SLC7A6: variants seen among roughly 807,000 people sequenced by gnomAD.
SLC7A6 encodes Y+L amino acid transporter 2.
In SLC7A6, 29 loss-of-function variants were observed where a neutral mutation model predicts 46.6. That is an observed-to-expected ratio of 0.62 (90% CI 0.46 to 0.85). The LOEUF is 0.85. Ranked by LOEUF, SLC7A6 falls within the 40% of genes least tolerant of loss-of-function variation. SLC7A6 has a pLI of 0.00. For synonymous variants in SLC7A6, 276 were observed against 257.3 expected (o/e 1.07, Z -0.70); for missense variants, 527 against 647.6 (o/e 0.81, Z 2.02).
Position 68,301,572 on chromosome 16 carries a change from A to T in SLC7A6, c.*4244A>T. The T allele has an allele frequency of 1.9e-6, 1 of 533,502 alleles. No individual in the cohort carries two copies. The allele number at this position is 533,502 out of a possible 1,614,324, so 33.0% of individuals were successfully genotyped here. ...TTCTTTTTTTTTTAAAGAAGGAATCACTTTCCTATCATCTAAACCAAGTTC... is the reference window on the plus strand; with the variant it reads ...TTCTTTTTTTTTTAAAGAAGGAATCTCTTTCCTATCATCTAAACCAAGTTC... On this transcript the variant is annotated 3_prime_UTR_variant, in exon 11 of 11. Transcript: ENST00000219343.
chr16:68,269,989 C>G (rs971413680), intron 2 of SLC7A6, among the ~76,000 whole-genome samples: 1 of 152,008 alleles, frequency 6.6e-6, no homozygotes, highest in Non-Finnish European at 1.5e-5. Context: ...AGGCTAGTCT[C>G]GAACTCTTGG....
intron 4 of SLC7A6, 81 bp from the exon 5 acceptor site, chr16:68,290,315 C>G (rs2043021886): frequency 2.1e-6 from 3 of 1,458,458 alleles, no homozygotes; most frequent in Admixed American, 3.7e-5. Flanking sequence ...GTATCTTTCT[C>G]TTACACCTCC....
In SLC7A6 at chr16:68,299,094, T is replaced by C. The variant is rs1451541185; in HGVS notation, c.*1766T>C. 1 of 152,656 alleles carries C rather than the reference T, an allele frequency of 6.6e-6. No homozygotes were observed. Among genetic ancestry groups the C allele is most frequent in the Non-Finnish European group, 1.5e-5 (1 of 68,040 alleles). The allele number at this position is 152,656 out of a possible 1,614,324, so 9.5% of individuals were successfully genotyped here. A position where few individuals can be genotyped will look rare whatever the true frequency, so the allele number is the denominator to read the frequency against. ...CCTACTGTCATGGGTTTGGGATTTGTAACGGCAAATTCCTGCCCGACGACA... is the reference window on the plus strand; with the variant it reads ...CCTACTGTCATGGGTTTGGGATTTGCAACGGCAAATTCCTGCCCGACGACA... On this transcript the variant is annotated 3_prime_UTR_variant, in exon 11 of 11. Coordinates refer to ENST00000219343, the MANE Select transcript of SLC7A6 (RefSeq NM_003983.6).
At chr16:68,290,760 C>A (rs1004647293) in intron 5 of SLC7A6, 26 of 581,422 alleles carry the variant, frequency 4.5e-5, no homozygotes, top group Middle Eastern at 9.3e-4. Context: ...GAGGATAGGG[C>A]CTTCCTAGAG....
At chr16:68,282,195 T>A (rs1190254553) in intron 3 of SLC7A6, among the ~76,000 whole-genome samples, 1 of 152,164 alleles carries the variant, frequency 6.6e-6, no homozygotes, top group Non-Finnish European at 1.5e-5. Flanking sequence ...TGGGTCTTGA[T>A]CATAGTTGTT....
At chr16:68,291,478 G>T in intron 6 of SLC7A6, 80 bp from the exon 7 acceptor site, 1 of 1,581,096 alleles carries the variant, frequency 6.3e-7, no homozygotes. Context: ...AGCAGTGATT[G>T]CATTTGTTCC....
intron 2 of SLC7A6, among the ~76,000 whole-genome samples, chr16:68,270,099 A>G (rs1217511884): frequency 6.6e-6 from 1 of 152,052 alleles, no homozygotes; most frequent in Non-Finnish European, 1.5e-5. Flanking sequence ...CTGTGCACCT[A>G]TGCCTCAGTG....
intron 3 of SLC7A6, among the ~76,000 whole-genome samples, chr16:68,277,357 G>A (rs141791677): frequency 0.049 from 1,984 of 40,384 alleles, 24 homozygotes; most frequent in Non-Finnish European, 0.064. Flanking sequence ...TATTTGAGAC[G>A]GAGTCTTGCT....
At chr16:68,287,524 C>G in intron 3 of SLC7A6, 1 of 1,417,944 alleles carries the variant, frequency 7.1e-7, no homozygotes, top group South Asian at 1.3e-5. Context: ...TTCACGCATG[C>G]CTTCATATCC....
rs987154899 is a variant in SLC7A6 at position 68,287,257 on chromosome 16, T to G, written c.524-489T>G. The G allele has an allele frequency of 4.3e-6, 5 of 1,176,132 alleles. No individual in the cohort carries two copies. The Admixed American group carries it at 1.2e-4, about 29-fold the overall frequency. 72.9% of individuals were successfully genotyped at this position (1,176,132 alleles called of 1,614,324 possible). ...TTTCCCAAAGTGCTGGGATTACAGG[T>G]GTGAGCCACTGCACCTGGCCTCATT... On this transcript the variant is annotated intron_variant, in intron 3 of 10. Transcript: ENST00000219343.
intron 2 of SLC7A6, among the ~76,000 whole-genome samples, chr16:68,270,940 C>A (rs950727065): frequency 6.6e-6 from 1 of 151,318 alleles, no homozygotes; most frequent in African/African-American, 2.4e-5. Context: ...CTTACCGCAG[C>A]CCTGACCTCC....
At chr16:68,288,978 A>AG in intron 4 of SLC7A6, among the ~76,000 whole-genome samples, 1 of 151,096 alleles carries the variant, frequency 6.6e-6, no homozygotes, top group East Asian at 2.0e-4. Context: ...AAAAAAAAAA[A>AG]AAAAAAAAGA....
At chr16:68,290,014 G>T (rs1340544297) in intron 4 of SLC7A6, 3 of 181,480 alleles carry the variant, frequency 1.7e-5, no homozygotes, top group Admixed American at 5.6e-5. Context: ...GGGGCTTGCT[G>T]TGAGATCATT....
chr16:68,288,568 C>T lies in SLC7A6; in HGVS notation c.649+697C>T, dbSNP rs944779731. ...CAGCCCAGTTCTCTAGGTCATCAGT[C>T]CCTAAATGTGGCTGTGTACAGTCAC... is the stretch of plus-strand genomic sequence containing the variant. On this transcript the variant is annotated intron_variant, in intron 4 of 10. Coordinates refer to ENST00000219343, the MANE Select transcript of SLC7A6 (RefSeq NM_003983.6). 5.9e-5 allele frequency among the ~76,000 whole-genome samples: 9 copies of T among 152,282 alleles called. No homozygotes were observed. In the South Asian group the frequency reaches 1.7e-3, roughly 28 times the overall value.
At chr16:68,294,145 C>T (rs373378663) in intron 7 of SLC7A6, among the ~76,000 whole-genome samples, 15 of 152,106 alleles carry the variant, frequency 9.9e-5, no homozygotes, top group African/African-American at 1.4e-4. Context: ...CCACCTGCCT[C>T]GGCTTCCGAA....
intron 3 of SLC7A6, among the ~76,000 whole-genome samples, chr16:68,280,828 AG>A (rs945438195): frequency 7.3e-5 from 11 of 151,372 alleles, no homozygotes; most frequent in African/African-American, 1.9e-4. Context: ...TCCGCCTCCC[AG>A]GTTCACGCCA....
chr16:68,284,136 CCTT>C (rs1165807192), intron 3 of SLC7A6: 1 of 152,480 alleles, frequency 6.6e-6, no homozygotes, highest in Non-Finnish European at 1.5e-5. Context: ...GTGAGTGCCT[CCTT>C]AAATTTTGTG....
chr16:68,294,451 G>C (rs141038680), intron 7 of SLC7A6, among the ~76,000 whole-genome samples: 1 of 152,098 alleles, frequency 6.6e-6, no homozygotes, highest in East Asian at 1.9e-4. Context: ...GAGAGAAGAG[G>C]GGGTATCTGG....
At chr16:68,287,561 C>T in intron 3 of SLC7A6, 185 bp from the exon 4 acceptor site, 1 of 1,456,144 alleles carries the variant, frequency 6.9e-7, no homozygotes, top group Non-Finnish European at 9.1e-7. Context: ...ATGGAAGTGC[C>T]TGTGTGCTGT....
Sources: allele counts gnomAD v4.1 joint callset (sites outside exome capture counted in the v4.1 genomes callset), GRCh38; gene constraint gnomAD v4.1.1; transcripts MANE v1.5; gene names NCBI Gene and HGNC (gene_info 2026-07-23, HGNC 2026-07-21).